ZFYVE1: variants seen among roughly 807,000 people sequenced by gnomAD.
ZFYVE1 encodes the protein zinc finger FYVE domain-containing protein 1.
In ZFYVE1, 30 loss-of-function variants were observed where a neutral mutation model predicts 74.4. The observed-to-expected ratio is 0.40, with a 90% CI of 0.30 to 0.55. The LOEUF is 0.55. Among genes scored for constraint, ZFYVE1 ranks in the 20% least tolerant of loss-of-function variants. The pLI is 0.42. For synonymous variants in ZFYVE1, 335 were observed against 385.1 expected (o/e 0.87, Z 1.52); for missense variants, 703 against 1,011.6 (o/e 0.69, Z 4.14).
intron 5 of ZFYVE1, among the ~76,000 whole-genome samples, chr14:72,979,749 A>T (rs1214532314): frequency 6.6e-6 from 1 of 152,152 alleles, no homozygotes; most frequent in Non-Finnish European, 1.5e-5. Context: ...CAACTTGACC[A>T]GAGAGGAAAC....
intron 2 of ZFYVE1, among the ~76,000 whole-genome samples, chr14:73,013,599 CAAAAAAAAAAA>C (rs1358434054): frequency 7.4e-6 from 1 of 134,858 alleles, no homozygotes; most frequent in Non-Finnish European, 1.6e-5. Context: ...AACTCCATCT[CAAAAAAAAAAA>C]GAAAAAAACA....
intron 2 of ZFYVE1, among the ~76,000 whole-genome samples, chr14:73,009,743 G>A (rs1433384151): frequency 1.3e-5 from 2 of 151,936 alleles, no homozygotes; most frequent in South Asian, 2.1e-4. Context: ...GCAACAGAGT[G>A]AGACTCCATC....
At chr14:72,986,960 G>A (rs773085285) in intron 4 of ZFYVE1, 10 of 985,298 alleles carry the variant, frequency 1.0e-5, no homozygotes, top group Non-Finnish European at 1.2e-5. Flanking sequence ...AGAAAGGCAG[G>A]GAAGGGCCCA....
intron 10 of ZFYVE1, 128 bp from the exon 11 acceptor site, chr14:72,974,321 C>G: frequency 1.2e-6 from 1 of 854,268 alleles, no homozygotes. Context: ...GCAACTACTG[C>G]AAGGGTCTGT....
chr14:73,022,433 T>C (rs192424123), intron 2 of ZFYVE1, among the ~76,000 whole-genome samples: 1 of 152,254 alleles, frequency 6.6e-6, no homozygotes, highest in East Asian at 1.9e-4. Context: ...GTCACCACCA[T>C]CAAAAGTACT....
intron 6 of ZFYVE1, among the ~76,000 whole-genome samples, chr14:72,978,566 C>CAAAAAAAAAAAAAAAAA (rs58858186): frequency 2.0e-5 from 1 of 50,952 alleles, no homozygotes; most frequent in African/African-American, 9.5e-5. Context: ...GACTCTGTCT[C>CAAAAAAAAAAAAAAAAA]AAAAAAAAAA....
chr14:72,998,048 G>A lies in ZFYVE1; in HGVS notation c.751C>T (p.Arg251Trp), dbSNP rs781213564. 1.2e-6 allele frequency: 2 copies of A among 1,614,084 alleles called. No individual in the cohort carries two copies. The highest frequency in any genetic ancestry group is 1.1e-5 in the South Asian group (1 of 91,074). ...ATGGCCAGGACCTTAAGCAGCAGCC[G>A]TGTTCTCTGGCTTAGATTCACGGTG... ...GATVNLSQRT[R>W]LLLKVLAISD... The change falls in exon 3 of 12, where the codon CGG (arginine) becomes TGG (tryptophan). Residue 251 changes from arginine to tryptophan, a missense_variant. Physicochemically the swap from Arg to Trp is moderately radical, Grantham distance 101. This residue lies in a region of ZFYVE1 where 492 missense variants were observed against 790.0 expected (regional missense o/e 0.62). Transcript: ENST00000556143.
intron 4 of ZFYVE1, among the ~76,000 whole-genome samples, chr14:72,988,394 C>T (rs867718184): frequency 2.6e-5 from 4 of 151,794 alleles, no homozygotes; most frequent in Middle Eastern, 3.4e-3. Flanking sequence ...AGGCTGGTCT[C>T]GAACTCGTGA....
rs1594836412 is a variant in ZFYVE1 at position 72,983,077 on chromosome 14, T to G, written c.1204-1182A>C. Among the ~76,000 whole-genome samples, 2 of 152,242 alleles carry G rather than the reference T, an allele frequency of 1.3e-5. 1 individual carries two copies. Among genetic ancestry groups the G allele is most frequent in the Middle Eastern group, 6.8e-3 (2 of 294 alleles). ...CCAGGCTGGTCTTGAACTCCAGGCC[T>G]CAGGTGATCCACCCGCCTCGGCCTC... On this transcript the variant is annotated intron_variant, in intron 4 of 11. Coordinates refer to ENST00000556143, the MANE Select transcript of ZFYVE1 (RefSeq NM_021260.4).
At chr14:73,010,417 C>T (rs927996691) in intron 2 of ZFYVE1, among the ~76,000 whole-genome samples, 1 of 152,164 alleles carries the variant, frequency 6.6e-6, no homozygotes. Context: ...GCCTGACCAA[C>T]GTGGAGAAAC....
chr14:73,023,784 C>A (rs566952660), intron 2 of ZFYVE1, among the ~76,000 whole-genome samples: 68 of 152,206 alleles, frequency 4.5e-4, no homozygotes, highest in African/African-American at 1.6e-3. Flanking sequence ...CCTCACAACT[C>A]GATGAAGTAG....
At chr14:73,015,913 A>G (rs2140385497) in intron 2 of ZFYVE1, among the ~76,000 whole-genome samples, 1 of 152,190 alleles carries the variant, frequency 6.6e-6, no homozygotes, top group Middle Eastern at 3.4e-3. Context: ...GCAACAGAGC[A>G]AGACTCCATC....
chr14:72,970,051 G>A lies in ZFYVE1; in HGVS notation c.*831C>T, dbSNP rs1017707894. The A allele has an allele frequency of 1.6e-5, 6 of 366,786 alleles. No homozygotes were observed. Among genetic ancestry groups the A allele is most frequent in the South Asian group, 1.1e-4 (3 of 26,468 alleles). 22.7% of individuals were successfully genotyped at this position (366,786 alleles called of 1,614,324 possible). On this transcript the variant is annotated 3_prime_UTR_variant, in exon 12 of 12. Coordinates refer to ENST00000556143, the MANE Select transcript of ZFYVE1 (RefSeq NM_021260.4). ...CCGAGGGGTGGGAGGCAGATGCTTC[G>A]ATTGAGGAGCTGGGTGCCGCCTTTT... is the stretch of plus-strand genomic sequence containing the variant.
At chr14:72,979,487 A>G (rs1334586534) in intron 5 of ZFYVE1, among the ~76,000 whole-genome samples, 1 of 151,846 alleles carries the variant, frequency 6.6e-6, no homozygotes, top group Non-Finnish European at 1.5e-5. Context: ...CCCCGTCTCT[A>G]CTAAAAATAC....
chr14:73,014,183 C>T (rs1297783283), intron 2 of ZFYVE1, among the ~76,000 whole-genome samples: 1 of 152,112 alleles, frequency 6.6e-6, no homozygotes, highest in East Asian at 1.9e-4. Context: ...ACAGTGGTTT[C>T]GATGGCTTAC....
At chr14:73,023,248 ATAT>A (rs1308477175) in intron 2 of ZFYVE1, among the ~76,000 whole-genome samples, 1 of 130,804 alleles carries the variant, frequency 7.6e-6, no homozygotes, top group Non-Finnish European at 1.6e-5. Flanking sequence ...TGTAATATAT[ATAT>A]TATATGTTTT....
chr14:72,996,575 G>A (rs1893753949), intron 3 of ZFYVE1, among the ~76,000 whole-genome samples: 1 of 152,124 alleles, frequency 6.6e-6, no homozygotes, highest in Non-Finnish European at 1.5e-5. Flanking sequence ...GCAGTTCTCT[G>A]AACGCAATTT....
rs397961476 is a variant in ZFYVE1 at position 73,025,071 on chromosome 14, CT to C, written c.-434-130del. On this transcript the variant is annotated intron_variant, in intron 1 of 11. Transcript: ENST00000556143. The stretch of plus-strand genomic sequence containing the variant: ...GAGAAATCTCATTCCTCTTTTTTTT[CT>C]TTTTTTTTTTTTTGAGACAGAGTTT... 8.2e-3 allele frequency: 1,099 copies of C among 134,592 alleles called. 8 individuals are homozygous for C. Among genetic ancestry groups the C allele is most frequent in the African/African-American group, 0.022 (816 of 37,084 alleles). 8.3% of individuals were successfully genotyped at this position (134,592 alleles called of 1,614,324 possible). A position where few individuals can be genotyped will look rare whatever the true frequency, so the allele number is the denominator to read the frequency against.
chr14:73,023,416 T>C (rs1894385448), intron 2 of ZFYVE1, among the ~76,000 whole-genome samples: 1 of 136,712 alleles, frequency 7.3e-6, no homozygotes, highest in South Asian at 2.2e-4. Context: ...ATATATATTT[T>C]ATGTTTTATA....
Sources: gnomAD v4.1 joint callset for allele counts (sites outside exome capture counted in the v4.1 genomes callset) on GRCh38, gnomAD v4.1.1 for gene constraint, gnomAD v4.1.1 regional missense constraint, MANE v1.5 for transcripts, NCBI Gene and HGNC (gene_info 2026-07-23, HGNC 2026-07-21) for gene names.